The following KIF3C variants were observed in gnomAD, a reference collection of about 807,000 sequenced individuals.
The protein encoded by KIF3C is kinesin family member 3C, also known as kinesin-like protein KIF3C.
In KIF3C, 12 loss-of-function variants were observed where a neutral mutation model predicts 67.7. That is an observed-to-expected ratio of 0.18 (90% CI 0.11 to 0.29). KIF3C has a LOEUF of 0.29. KIF3C is among the 10% of genes least tolerant of loss of function. The probability of loss-of-function intolerance (pLI) is 1.00; values close to 1 mark genes in which losing one functional copy is unlikely to be tolerated. For missense variants in KIF3C, 789 were observed against 1,059.6 expected (o/e 0.74, Z 3.55); for synonymous variants, 393 against 426.2 (o/e 0.92, Z 0.96).
chr2:25,943,106 T>A (rs1412768937), intron 5 of KIF3C, among the ~76,000 whole-genome samples: 1 of 152,208 alleles, frequency 6.6e-6, no homozygotes, highest in Non-Finnish European at 1.5e-5. Flanking sequence ...ATTCCACACT[T>A]GAGTTGAGCA....
chr2:25,934,789 G>C (rs181927757), intron 5 of KIF3C, among the ~76,000 whole-genome samples: 1 of 152,210 alleles, frequency 6.6e-6, no homozygotes, highest in East Asian at 1.9e-4. Context: ...GCCAGCCTCA[G>C]AGACTCATGC....
chr2:25,934,014 A>G (rs984434832), intron 5 of KIF3C: 7 of 372,642 alleles, frequency 1.9e-5, no homozygotes, highest in African/African-American at 1.5e-4. Flanking sequence ...GTATATTCAT[A>G]GAGTGGAATA....
At chr2:25,964,091 TGA>T (rs1664080184) in intron 1 of KIF3C, among the ~76,000 whole-genome samples, 1 of 152,160 alleles carries the variant, frequency 6.6e-6, no homozygotes, top group African/African-American at 2.4e-5. Context: ...GTGCATCATT[TGA>T]GGCCAGGAGT....
At chr2:25,932,209 C>T (rs2149221558) in intron 5 of KIF3C, among the ~76,000 whole-genome samples, 1 of 151,748 alleles carries the variant, frequency 6.6e-6, no homozygotes, top group Middle Eastern at 3.4e-3. Flanking sequence ...ACCATGTTGG[C>T]CAGGATGGTC....
chr2:25,945,564 CAAAAAAAA>C (rs10581291), intron 5 of KIF3C, among the ~76,000 whole-genome samples: 2 of 67,394 alleles, frequency 3.0e-5, no homozygotes, highest in African/African-American at 5.4e-5. Flanking sequence ...GAGAATATCT[CAAAAAAAA>C]AAAAAAAAAA....
chr2:25,963,196 A>ATTTTTTT (rs1165957083), intron 1 of KIF3C, among the ~76,000 whole-genome samples: 2 of 43,326 alleles, frequency 4.6e-5, no homozygotes, highest in Non-Finnish European at 7.3e-5. Flanking sequence ...ATATATATAT[A>ATTTTTTT]TTTTTTTTTT....
chr2:25,931,423 A>C (rs2090458084), intron 5 of KIF3C, among the ~76,000 whole-genome samples: 1 of 152,100 alleles, frequency 6.6e-6, no homozygotes, highest in African/African-American at 2.4e-5. Context: ...ACGCCATTGC[A>C]CTCCAGCCTG....
intron 5 of KIF3C, among the ~76,000 whole-genome samples, chr2:25,930,291 G>C (rs1473684250): frequency 6.6e-6 from 1 of 152,160 alleles, no homozygotes; most frequent in East Asian, 1.9e-4. Flanking sequence ...CTGAAAATAG[G>C]CAAGTACAGT....
intron 5 of KIF3C, among the ~76,000 whole-genome samples, chr2:25,951,043 A>C (rs1287000830): frequency 6.6e-6 from 1 of 152,080 alleles, no homozygotes; most frequent in Non-Finnish European, 1.5e-5. Context: ...TTTAACATTA[A>C]TATTCTAGAG....
intron 5 of KIF3C, among the ~76,000 whole-genome samples, chr2:25,945,646 G>A (rs1479214837): frequency 6.6e-6 from 1 of 151,316 alleles, no homozygotes; most frequent in Admixed American, 6.6e-5. Context: ...CCAGCACTTT[G>A]GGAAGCTGAG....
At position 25,980,870 on chromosome 2, in the gene KIF3C, C is replaced by T. The variant is rs747801679; in HGVS notation, c.1048G>A (p.Asp350Asn). 5.6e-6 allele frequency: 9 copies of T among 1,614,042 alleles called. No homozygotes were observed. The highest frequency in any genetic ancestry group is 4.0e-5 in the African/African-American group (3 of 74,908). Reference sequence around the variant, plus strand: ...AAGCGCAAGGTGGAGAGGCTCTCATCGTAGCTGTGAGAAGCTGGCCCCAGT... The same window carrying T: ...AAGCGCAAGGTGGAGAGGCTCTCATTGTAGCTGTGAGAAGCTGGCCCCAGT... ...ATLGPASHSY[D>N]ESLSTLRFAN... Residue 350 changes from aspartate (D) to asparagine (N), a missense_variant, in exon 1 of 8, where the codon GAT becomes AAT. This residue lies in a region of KIF3C where 648 missense variants were observed against 807.8 expected (regional missense o/e 0.80). Coordinates refer to ENST00000264712, the MANE Select transcript of KIF3C (RefSeq NM_002254.8). The surrounding 1 kb of genome is among the most constrained non-coding windows in gnomAD (Gnocchi z 7.6).
chr2:25,935,213 C>T (rs1663064811), intron 5 of KIF3C, among the ~76,000 whole-genome samples: 1 of 152,114 alleles, frequency 6.6e-6, no homozygotes, highest in South Asian at 2.1e-4. Flanking sequence ...TGCTGTACTC[C>T]AGCCTGGACA....
Position 25,954,338 on chromosome 2 carries a change from A to G in KIF3C, c.1818T>C (p.His606=). 6.2e-7 allele frequency: 1 copy of G among 1,614,082 alleles called. No homozygotes were observed. The change falls in exon 4 of 8, where the codon CAT becomes CAC. Residue 606 remains histidine, a synonymous_variant. Coordinates refer to ENST00000264712, the MANE Select transcript of KIF3C (RefSeq NM_002254.8). ...QAVKAEIQDQ[H]DEYIRVRQDL... ...CCTGCCGCACGCGGATATACTCATC[A>G]TGCTGGTCCTGGATCTCCGCCTTCA...
intron 1 of KIF3C, among the ~76,000 whole-genome samples, chr2:25,968,598 G>T (rs1203225466): frequency 6.6e-6 from 1 of 152,132 alleles, no homozygotes; most frequent in African/African-American, 2.4e-5. Flanking sequence ...TGTCAGAACT[G>T]GATGAACCTA....
At chr2:25,937,076 C>G (rs542995107) in intron 5 of KIF3C, among the ~76,000 whole-genome samples, 1 of 152,220 alleles carries the variant, frequency 6.6e-6, no homozygotes, top group Non-Finnish European at 1.5e-5. Context: ...ACACCTGCCA[C>G]AGGGCTTAAC....
Position 25,982,000 on chromosome 2 carries a change from G to A in KIF3C, c.-83C>T. 1 of 1,184,858 alleles carries A rather than the reference G, an allele frequency of 8.4e-7. No individual in the cohort carries two copies. Among genetic ancestry groups the A allele is most frequent in the Non-Finnish European group, 1.2e-6 (1 of 863,482 alleles). 73.4% of individuals were successfully genotyped at this position (1,184,858 alleles called of 1,614,324 possible). The stretch of plus-strand genomic sequence containing the variant: ...TCCTGCTCGCTAGGTCGGGATCAGC[G>A]GGGCCGGCCCAGCCCCCAGGCGCAG... On this transcript the variant is annotated 5_prime_UTR_variant, in exon 1 of 8. Transcript: ENST00000264712. This position sits in a 1 kb window ranked among gnomAD's most constrained non-coding sequence, Gnocchi z 8.2.
chr2:25,975,026 C>CAAAGAAAAAAAAA (rs1553717105), intron 1 of KIF3C, among the ~76,000 whole-genome samples: 1 of 116,522 alleles, frequency 8.6e-6, no homozygotes, highest in Non-Finnish European at 1.7e-5. Context: ...AACTCCATCT[C>CAAAGAAAAAAAAA]AAAAAAAAAA....
intron 4 of KIF3C, among the ~76,000 whole-genome samples, chr2:25,952,499 A>G (rs1403509363): frequency 6.6e-6 from 1 of 151,634 alleles, no homozygotes; most frequent in East Asian, 1.9e-4. Context: ...TAGGGTGACT[A>G]TAGTCAATAA....
chr2:25,933,347 T>C (rs766979804), intron 5 of KIF3C, among the ~76,000 whole-genome samples: 1 of 151,716 alleles, frequency 6.6e-6, no homozygotes. Flanking sequence ...ATGTTCAACA[T>C]TATTAGTCAT....
Sources: gnomAD v4.1 joint callset for allele counts (sites outside exome capture counted in the v4.1 genomes callset) on GRCh38, gnomAD v4.1.1 for gene constraint, gnomAD v4.1.1 regional missense constraint, Gnocchi (gnomAD v3.1) non-coding constraint, MANE v1.5 for transcripts, NCBI Gene and HGNC (gene_info 2026-07-23, HGNC 2026-07-21) for gene names.